The following ATG16L2 variants were observed in gnomAD, a reference collection of about 807,000 sequenced individuals.
ATG16L2 encodes the protein protein Atg16l2.
Under a neutral mutation model 84.7 loss-of-function variants are expected in ATG16L2, and 77 were observed. That is an observed-to-expected ratio of 0.91 (90% CI 0.76 to 1.10). The LOEUF (loss-of-function observed/expected upper bound fraction) is 1.10. Among genes scored for constraint, ATG16L2 ranks in the 50% least tolerant of loss-of-function variants. The pLI, the probability that ATG16L2 is intolerant of heterozygous loss-of-function variation, is 0.00. For missense variants in ATG16L2, 782 were observed against 817.6 expected, an observed-to-expected ratio of 0.96 and a Z score of 0.53; for synonymous variants, 361 against 342.8, an observed-to-expected ratio of 1.05 and a Z score of -0.59.
downstream of ATG16L2, among the ~76,000 whole-genome samples, chr11:72,834,235 C>T (rs190635340): frequency 8.5e-5 from 13 of 152,242 alleles, no homozygotes; most frequent in Admixed American, 2.6e-4. Flanking sequence ...AAAATAAATG[C>T]GAAGATTCAG....
chr11:72,822,937 GT>G lies in ATG16L2; in HGVS notation c.801del (p.Cys267TrpfsTer16). ...PEPEPLEKEA[C>X]EKWKRPFRSA... is the part of the protein sequence containing the mutation. ...CCAGAGCCCCTGGAGAAGGAAGCTT[GT>G]GAGAAGTGGAAGAGGCCCTTCAGGT... On this transcript the variant is annotated frameshift_variant, in exon 7 of 18. Transcript: ENST00000321297. LOFTEE classifies it high-confidence loss of function. The surrounding 1 kb of genome is among the most constrained non-coding windows in gnomAD (Gnocchi z 4.2). 1 of 1,573,450 alleles carries G rather than the reference GT, an allele frequency of 6.4e-7. No homozygotes were observed.
intron 5 of ATG16L2, among the ~76,000 whole-genome samples, chr11:72,834,699 C>T (rs1303617536): frequency 3.9e-5 from 6 of 152,040 alleles, no homozygotes; most frequent in Admixed American, 6.6e-5. Flanking sequence ...TCTCCTGCCT[C>T]AGTCTCCCGA....
At chr11:72,824,260 A>C (rs1302430871) in intron 8 of ATG16L2, 138 bp downstream of exon 8, 1 of 1,070,450 alleles carries the variant, frequency 9.3e-7, no homozygotes, top group Non-Finnish European at 1.4e-6. Context: ...GGCCTTGGAG[A>C]CAGGAGCCAG....
chr11:72,815,109 C>T (rs1208058875), intron 1 of ATG16L2, among the ~76,000 whole-genome samples: 1 of 152,224 alleles, frequency 6.6e-6, no homozygotes. Flanking sequence ...GAGGGGGCAT[C>T]AGGGGGCCCC....
At position 72,824,717 on chromosome 11, in the gene ATG16L2, A is replaced by G; in HGVS notation, c.888-17A>G. 6.2e-7 allele frequency: 1 copy of G among 1,608,024 alleles called. No homozygotes were observed. Among genetic ancestry groups the G allele is most frequent in the Non-Finnish European group, 8.5e-7 (1 of 1,174,630 alleles). The stretch of plus-strand genomic sequence containing the variant: ...ACTTGCTGAATGCCCTCCTGACCCC[A>G]ACCCACCTTACCCCAGTTTTAAGAA... On this transcript the variant is annotated splice_polypyrimidine_tract_variant and intron_variant, in intron 8 of 17. Coordinates refer to ENST00000321297, the MANE Select transcript of ATG16L2 (RefSeq NM_033388.2).
chr11:72,843,644 T>C, exon 6 of ATG16L2: 1 of 721,544 alleles, frequency 1.4e-6, no homozygotes, highest in South Asian at 1.7e-5. Context: ...TTGAGAAACA[T>C]GTTGAACATA....
At position 72,817,676 on chromosome 11, in the gene ATG16L2, T is replaced by C. The variant is rs573135418; in HGVS notation, c.219-80T>C. 6.4e-6 allele frequency: 9 copies of C among 1,407,440 alleles called. No homozygotes were observed. The East Asian group carries it at 2.1e-4, about 32-fold the overall frequency. 87.2% of individuals were successfully genotyped at this position (1,407,440 alleles called of 1,614,324 possible). A position where few individuals can be genotyped will look rare whatever the true frequency, so the allele number is the denominator to read the frequency against. ...AAGTTAATGGCTCTTGTTTTAGGCT[T>C]TTCATGTAGCATCACTTGGGTGCCT... On this transcript the variant is annotated intron_variant, in intron 2 of 17. Coordinates refer to ENST00000321297, the MANE Select transcript of ATG16L2 (RefSeq NM_033388.2).
At position 72,821,084 on chromosome 11, in the gene ATG16L2, C is replaced by T. The variant is rs75362349; in HGVS notation, c.319-584C>T. On this transcript the variant is annotated intron_variant, in intron 3 of 17. Coordinates refer to ENST00000321297, the MANE Select transcript of ATG16L2 (RefSeq NM_033388.2). ...GGGTGGGGAACAGAACTCACATTCC[C>T]CTGACCAGCCTGGAGGGTGATGCAG... 2.4e-3 allele frequency: 931 copies of T among 389,410 alleles called. 7 individuals are homozygous for T. Among genetic ancestry groups the T allele is most frequent in the African/African-American group, 0.02 (897 of 45,850 alleles). 24.1% of individuals were successfully genotyped at this position (389,410 alleles called of 1,614,324 possible). A position where few individuals can be genotyped will look rare whatever the true frequency, so the allele number is the denominator to read the frequency against.
intron 3 of ATG16L2, chr11:72,820,038 C>T (rs909254639): frequency 6.6e-6 from 1 of 152,214 alleles, no homozygotes; most frequent in East Asian, 1.9e-4. Flanking sequence ...AGCCACGGCA[C>T]CCGGCCTTTT....
Position 72,828,462 on chromosome 11 carries a change from C to T in ATG16L2, c.1576C>T (p.Leu526Phe). The T allele has an allele frequency of 2.5e-6, 4 of 1,614,246 alleles. No individual in the cohort carries two copies. Among genetic ancestry groups the T allele is most frequent in the Non-Finnish European group, 3.4e-6 (4 of 1,180,056 alleles). Residue 526 changes from leucine to phenylalanine, a missense_variant, in exon 15 of 18, where the codon CTC becomes TTC. Transcript: ENST00000321297. ...GCTCAGCTGTTCCCGAGACAACACA[C>T]TCAAGGTCATCGACCTGCGTGTCAG... ...HLLSCSRDNT[L>F]KVIDLRVSNI...
chr11:72,819,414 A>C (rs939272161), intron 3 of ATG16L2, among the ~76,000 whole-genome samples: 4 of 152,200 alleles, frequency 2.6e-5, no homozygotes, highest in African/African-American at 9.7e-5. Flanking sequence ...AATTAAAAAA[A>C]AAGAAAGATC....
In ATG16L2 at chr11:72,828,407, C is replaced by T; in HGVS notation, c.1521C>T (p.Ser507=). 1 of 1,614,214 alleles carries T rather than the reference C, an allele frequency of 6.2e-7. No homozygotes were observed. The highest frequency in any genetic ancestry group is 1.1e-5 in the South Asian group (1 of 91,086). ...TCCCTGTGCAGGGCCGGGTCACCTC[C>T]CTGAGCCTCAGCCACGACCAACTGC... is the stretch of plus-strand genomic sequence containing the variant. The part of the protein sequence containing the change: ...QVIPVQGRVT[S]LSLSHDQLHL... Residue 507 remains serine (S), a synonymous_variant, in exon 15 of 18, where the codon TCC becomes TCT. Transcript: ENST00000321297.
At chr11:72,841,035 G>C (rs1555038735) in intron 5 of ATG16L2, 2 of 1,106,060 alleles carry the variant, frequency 1.8e-6, no homozygotes, top group Non-Finnish European at 2.7e-6. Flanking sequence ...TGGCATGGTG[G>C]CTTGAGCCTG....
At chr11:72,823,041 G>A in intron 7 of ATG16L2, 80 bp downstream of exon 7, 1 of 1,018,318 alleles carries the variant, frequency 9.8e-7, no homozygotes, top group South Asian at 1.6e-5. Flanking sequence ...CTTGGACCTT[G>A]GAGCCAGCTC....
Position 72,826,800 on chromosome 11 carries a change from A to G in ATG16L2, c.1343A>G (p.Glu448Gly), listed in dbSNP as rs748501059. ...GGGAGCCGCGACCGGACAGTGAAGG[A>G]GTGGGACCTCGGCCGTGCCTATTGT... ...VTGSRDRTVKEWDLGRAYCSR... is the reference protein window; with the variant it reads ...VTGSRDRTVKGWDLGRAYCSR... The change falls in exon 13 of 18, where the codon GAG (glutamate) becomes GGG (glycine). Residue 448 changes from glutamate to glycine, a missense_variant. Coordinates refer to ENST00000321297, the MANE Select transcript of ATG16L2 (RefSeq NM_033388.2). 1 of 1,613,866 alleles carries G rather than the reference A, an allele frequency of 6.2e-7. No homozygotes were observed. Among genetic ancestry groups the G allele is most frequent in the Non-Finnish European group, 8.5e-7 (1 of 1,179,940 alleles).
intron 3 of ATG16L2, 59 bp from the exon 4 acceptor site, chr11:72,821,609 G>A (rs1218197202): frequency 2.0e-6 from 3 of 1,508,948 alleles, no homozygotes; most frequent in South Asian, 1.2e-5. Context: ...CTTCGGCCCC[G>A]GAGGGACTGG....
At chr11:72,837,058 A>C (rs1213226720) in intron 5 of ATG16L2, 1 of 152,380 alleles carries the variant, frequency 6.6e-6, no homozygotes, top group African/African-American at 2.4e-5. Flanking sequence ...AAGACAGAAT[A>C]CAAGACTGGG....
At position 72,825,310 on chromosome 11, in the gene ATG16L2, C is replaced by G. The variant is rs1418864112; in HGVS notation, c.1005C>G (p.His335Gln). The G allele has an allele frequency of 3.1e-6, 5 of 1,613,312 alleles. No homozygotes were observed. Among genetic ancestry groups the G allele is most frequent in the Non-Finnish European group, 4.2e-6 (5 of 1,179,884 alleles). The change falls in exon 10 of 18, where the codon CAC (histidine) becomes CAG (glutamine). Residue 335 changes from histidine (H) to glutamine (Q), a missense_variant. His to Gln is a conservative substitution (Grantham distance 24). Coordinates refer to ENST00000321297, the MANE Select transcript of ATG16L2 (RefSeq NM_033388.2). ...PTRAQDVLDAHLSEVNAVRFG... is the reference protein window; with the variant it reads ...PTRAQDVLDAQLSEVNAVRFG... ...CTCCCCTTTCCCCACAGGATGCCCA[C>G]CTCTCTGAGGTCAATGCTGTTCGTT...
chr11:72,836,626 C>T (rs560472705), intron 5 of ATG16L2: 2 of 152,518 alleles, frequency 1.3e-5, no homozygotes, highest in Admixed American at 6.5e-5. Context: ...AATTTACTTT[C>T]TCCTCTCTCT....
Sources: gnomAD v4.1 joint callset for allele counts (sites outside exome capture counted in the v4.1 genomes callset) on GRCh38, gnomAD v4.1.1 for gene constraint, Gnocchi (gnomAD v3.1) non-coding constraint, MANE v1.5 for transcripts, NCBI Gene and HGNC (gene_info 2026-07-23, HGNC 2026-07-21) for gene names.